PCDHGA4: variants seen among roughly 807,000 people sequenced by gnomAD.
The protein encoded by PCDHGA4 is protocadherin gamma subfamily A, 4, also known as protocadherin gamma-A4.
Under a neutral mutation model 54.6 loss-of-function variants are expected in PCDHGA4, and 38 were observed. The observed-to-expected ratio is 0.70, with a 90% CI of 0.54 to 0.91. PCDHGA4 has a LOEUF of 0.91. Ranked by LOEUF, PCDHGA4 falls within the 40% of genes least tolerant of loss-of-function variation. PCDHGA4 has a pLI of 0.00. For synonymous variants in PCDHGA4, 511 were observed against 512.9 expected, an observed-to-expected ratio of 1.00 and a Z score of 0.05; for missense variants, 1,298 against 1,220.9, an observed-to-expected ratio of 1.06 and a Z score of -0.94.
chr5:141,505,255 C>T (rs2099844853), intron 2 of PCDHGA4, 138 bp from the exon 3 acceptor site: 1 of 1,481,112 alleles, frequency 6.8e-7, no homozygotes, highest in Admixed American at 2.1e-5. Context: ...AGAAGTGCCT[C>T]CTACCTTGCT....
chr5:141,409,165 G>T (rs2095233723), intron 1 of PCDHGA4: 1 of 1,613,886 alleles, frequency 6.2e-7, no homozygotes, highest in Admixed American at 1.7e-5. Flanking sequence ...AAGTGGAAGC[G>T]AAGGACGGAG....
intron 1 of PCDHGA4, chr5:141,362,686 T>G: frequency 8.8e-7 from 1 of 1,140,560 alleles, no homozygotes; most frequent in Non-Finnish European, 1.2e-6. Flanking sequence ...TGTCTTAATC[T>G]TATCTAACTG....
rs13436436 is a variant in PCDHGA4 at position 141,494,301 on chromosome 5, G to C, written c.2515-506G>C. Among the ~76,000 whole-genome samples, 1,119 of 152,302 alleles carry C rather than the reference G, an allele frequency of 7.3e-3. 11 individuals carry two copies. The highest frequency in any genetic ancestry group is 0.026 in the African/African-American group (1,077 of 41,560). Reference sequence around the variant, plus strand: ...CCAGAGAAGATGTCCCTGTGAATGTGTCACTGCACAACCTGGCACCAAAAG... The same window carrying C: ...CCAGAGAAGATGTCCCTGTGAATGTCTCACTGCACAACCTGGCACCAAAAG... On this transcript the variant is annotated intron_variant, in intron 1 of 3. Coordinates refer to ENST00000571252, the MANE Select transcript of PCDHGA4 (RefSeq NM_018917.4).
intron 1 of PCDHGA4, among the ~76,000 whole-genome samples, chr5:141,457,665 G>A (rs2098927092): frequency 6.6e-6 from 1 of 152,330 alleles, no homozygotes; most frequent in Non-Finnish European, 1.5e-5. Flanking sequence ...AGCAAGAATG[G>A]TTATTTCTAC....
chr5:141,395,655 A>G (rs1302159911), intron 1 of PCDHGA4: 1 of 164,294 alleles, frequency 6.1e-6, no homozygotes, highest in East Asian at 1.8e-4. Context: ...GCTTAGCAAA[A>G]GTAAAATATA....
intron 1 of PCDHGA4, chr5:141,479,339 G>GTA (rs1298553162): frequency 1.3e-5 from 2 of 152,644 alleles, no homozygotes; most frequent in East Asian, 3.8e-4. Context: ...GTGTGCACCT[G>GTA]TAGTTCTTGC....
intron 1 of PCDHGA4, chr5:141,375,729 G>A: frequency 1.9e-6 from 3 of 1,614,264 alleles, no homozygotes; most frequent in Non-Finnish European, 2.5e-6. Flanking sequence ...GTGTCACTGA[G>A]CCTGTTTGTG....
intron 1 of PCDHGA4, chr5:141,479,355 A>G (rs2099493778): frequency 6.6e-6 from 1 of 152,506 alleles, no homozygotes; most frequent in Non-Finnish European, 1.5e-5. Flanking sequence ...CTTGCTGCTC[A>G]GTGCCTGAGG....
At chr5:141,430,808 G>A in intron 1 of PCDHGA4, 1 of 1,526,682 alleles carries the variant, frequency 6.6e-7, no homozygotes, top group East Asian at 2.3e-5. Flanking sequence ...TGTCCTGCTG[G>A]GAATCCTCCT....
chr5:141,366,049 G>T (rs542025009), intron 1 of PCDHGA4: 28 of 1,614,244 alleles, frequency 1.7e-5, no homozygotes, highest in African/African-American at 4.0e-5. Context: ...ACGGTTCCAC[G>T]GGCGTGGAGC....
intron 1 of PCDHGA4, chr5:141,389,021 A>G: frequency 6.2e-7 from 1 of 1,614,004 alleles, no homozygotes; most frequent in Non-Finnish European, 8.5e-7. Context: ...ACAATGGAGA[A>G]GTGACTTGTA....
intron 1 of PCDHGA4, chr5:141,420,307 A>G (rs2096487660): frequency 1.5e-5 from 22 of 1,459,622 alleles, no homozygotes; most frequent in Non-Finnish European, 1.8e-5. Flanking sequence ...AATCCTTTTT[A>G]TATTACAATA....
intron 1 of PCDHGA4, chr5:141,422,068 T>C (rs1340696188): frequency 2.5e-6 from 4 of 1,612,076 alleles, no homozygotes; most frequent in Non-Finnish European, 3.4e-6. Flanking sequence ...AGTAATGTAT[T>C]CATTTCGGAA....
At chr5:141,413,867 T>TTG in intron 1 of PCDHGA4, 1 of 1,613,428 alleles carries the variant, frequency 6.2e-7, no homozygotes, top group Non-Finnish European at 8.5e-7. Flanking sequence ...GGCACTGTCC[T>TTG]TGTCAGTGTG....
intron 1 of PCDHGA4, among the ~76,000 whole-genome samples, chr5:141,450,829 A>ATTATTT (rs1554136902): frequency 7.4e-6 from 1 of 135,144 alleles, no homozygotes; most frequent in Admixed American, 7.6e-5. Context: ...TATTATTATT[A>ATTATTT]TTTTTTTTTT....
At chr5:141,451,712 C>G (rs769620335) in intron 1 of PCDHGA4, among the ~76,000 whole-genome samples, 2 of 151,994 alleles carry the variant, frequency 1.3e-5, no homozygotes, top group African/African-American at 4.8e-5. Context: ...CAAAACCCTG[C>G]CTCTACTAAA....
chr5:141,464,266 AAAAAAAAAAAAGC>A (rs2099079689), intron 1 of PCDHGA4, among the ~76,000 whole-genome samples: 2 of 138,926 alleles, frequency 1.4e-5, no homozygotes, highest in Admixed American at 1.4e-4. Flanking sequence ...CTCCGTCTAA[AAAAAAAAAAAAGC>A]AAAAAAAAAA....
intron 1 of PCDHGA4, among the ~76,000 whole-genome samples, chr5:141,480,274 G>A (rs111260319): frequency 6.6e-6 from 1 of 152,036 alleles, no homozygotes; most frequent in Non-Finnish European, 1.5e-5. Context: ...CATTAGCTGG[G>A]TGTGTTGGCA....
Position 141,404,436 on chromosome 5 carries a change from C to T in PCDHGA4, c.2514+46815C>T. On this transcript the variant is annotated intron_variant, in intron 1 of 3. Transcript: ENST00000571252. Reference sequence around the variant, plus strand: ...GTTATTTACTCCTTGGCAGAGGATACCATCCAAGGGTCTCCTCTCTCCACC... The same window carrying T: ...GTTATTTACTCCTTGGCAGAGGATATCATCCAAGGGTCTCCTCTCTCCACC... 1.9e-6 allele frequency: 3 copies of T among 1,612,706 alleles called. No individual in the cohort carries two copies. In the East Asian group the frequency reaches 6.7e-5, roughly 36 times the overall value.
Sources: gnomAD v4.1 joint callset for allele counts (sites outside exome capture counted in the v4.1 genomes callset) on GRCh38, gnomAD v4.1.1 for gene constraint, MANE v1.5 for transcripts, NCBI Gene and HGNC (gene_info 2026-07-23, HGNC 2026-07-21) for gene names.